Variants in PTCRA observed in about 807,000 individuals in gnomAD.
PTCRA encodes the protein pre T-cell antigen receptor alpha.
In PTCRA, 9 loss-of-function variants were observed where a neutral mutation model predicts 13.4. The observed-to-expected ratio is 0.67, with a 90% CI of 0.41 to 1.18. The LOEUF is 1.18. Among genes scored for constraint, PTCRA ranks in the 50% most tolerant of loss-of-function variants. PTCRA has a pLI of 0.01. For missense variants in PTCRA, 353 were observed against 359.8 expected (o/e 0.98, Z 0.15); for synonymous variants, 153 against 161.9 (o/e 0.94, Z 0.42).
At chr6:42,917,516 C>A (rs1046401479) in intron 1 of PTCRA, among the ~76,000 whole-genome samples, 1 of 142,094 alleles carries the variant, frequency 7.0e-6, no homozygotes, top group Non-Finnish European at 1.5e-5. Context: ...GCCACCTCAC[C>A]CAGCCCGTTA....
At chr6:42,920,905 G>T (rs1767123507) in intron 1 of PTCRA, among the ~76,000 whole-genome samples, 1 of 138,214 alleles carries the variant, frequency 7.2e-6, no homozygotes, top group African/African-American at 2.8e-5. Context: ...AGCGATTCTT[G>T]TGCCTCAGTC....
rs1767359457 is a variant in PTCRA, at chr6:42,925,059, G to A, written c.425-202G>A. Among the ~76,000 whole-genome samples the A allele has an allele frequency of 6.6e-6, 1 of 152,068 alleles. No homozygotes were observed. Among genetic ancestry groups the A allele is most frequent in the African/African-American group, 2.4e-5 (1 of 41,402 alleles). On this transcript the variant is annotated intron_variant, in intron 3 of 3. Coordinates refer to ENST00000304672, the MANE Select transcript of PTCRA (RefSeq NM_138296.3). This position sits in a 1 kb window ranked among gnomAD's most constrained non-coding sequence, Gnocchi z 4.4. ...GGCCCCCACCCCTACCCCCATGATT[G>A]TTGGGGAATAAAATAAAATGAAGGC... is the stretch of plus-strand genomic sequence containing the variant.
At chr6:42,918,673 A>G (rs1027964307) in intron 1 of PTCRA, among the ~76,000 whole-genome samples, 1 of 152,144 alleles carries the variant, frequency 6.6e-6, no homozygotes, top group Non-Finnish European at 1.5e-5. Context: ...ACTGTGTCAC[A>G]TGGCAAAATC....
rs373111406 is a variant in PTCRA at position 42,923,106 on chromosome 6, C to G, written c.138C>G (p.Val46=). The G allele has an allele frequency of 6.2e-7, 1 of 1,614,240 alleles. No individual in the cohort carries two copies. Among genetic ancestry groups the G allele is most frequent in the Non-Finnish European group, 8.5e-7 (1 of 1,180,038 alleles). ...ATGGAAAGCAGCAGATGGTGGTGGT[C>G]TGCCTGGTCCTTGATGTTGCACCCC... ...LVDGKQQMVV[V]CLVLDVAPPG... is the part of the protein sequence containing the mutation. Residue 46 remains valine (V), a synonymous_variant, in exon 2 of 4, where the codon GTC becomes GTG. Coordinates refer to ENST00000304672, the MANE Select transcript of PTCRA (RefSeq NM_138296.3).
intron 1 of PTCRA, among the ~76,000 whole-genome samples, chr6:42,919,379 G>A (rs1374963725): frequency 1.3e-5 from 2 of 151,992 alleles, no homozygotes; most frequent in East Asian, 3.9e-4. Context: ...CTCCTTCCCT[G>A]CACTCTGGGA....
At chr6:42,922,107 C>G (rs1236107795) in intron 1 of PTCRA, 2 of 634,632 alleles carry the variant, frequency 3.2e-6, no homozygotes, top group Non-Finnish European at 5.7e-6. Context: ...CCCAAGCACA[C>G]TCCACCTAGA....
intron 1 of PTCRA, among the ~76,000 whole-genome samples, chr6:42,918,381 C>T (rs900767652): frequency 2.0e-5 from 3 of 151,726 alleles, no homozygotes; most frequent in Non-Finnish European, 4.4e-5. Flanking sequence ...TGGTGAAACC[C>T]CATCTCTACT....
intron 1 of PTCRA, among the ~76,000 whole-genome samples, chr6:42,921,412 CTTTTTTTTT>C (rs59029514): frequency 1.2e-5 from 1 of 85,642 alleles, no homozygotes; most frequent in Non-Finnish European, 2.1e-5. Context: ...AACAAAGCTT[CTTTTTTTTT>C]TTTTTTTTTT....
intron 2 of PTCRA, 146 bp downstream of exon 2, chr6:42,923,493 A>C: frequency 1.3e-6 from 1 of 755,498 alleles, no homozygotes; most frequent in Non-Finnish European, 2.1e-6. Context: ...ACCTGGGCTC[A>C]GGGGAGAGTG....
chr6:42,923,329 C>T lies in PTCRA; in HGVS notation c.361C>T (p.Gln121Ter). Residue 121 changes from glutamine (Q) to a stop codon, truncating the protein, a stop_gained, in exon 2 of 4, where the codon CAG becomes TAG. Transcript: ENST00000304672. LOFTEE classifies it high-confidence loss of function. ...GGCTGAGGGTCACAGCAGGAGTACA[C>T]AGCCCATGCATCTGTCAGGTGGGGA... ...PGAEGHSRST[Q>*]PMHLSGEAST... The T allele has an allele frequency of 1.2e-6, 2 of 1,614,150 alleles. No homozygotes were observed. The highest frequency in any genetic ancestry group is 1.7e-6 in the Non-Finnish European group (2 of 1,179,996).
At chr6:42,917,526 ATATTATTATTATTATTAT>A (rs71547824) in intron 1 of PTCRA, among the ~76,000 whole-genome samples, 12 of 131,716 alleles carry the variant, frequency 9.1e-5, no homozygotes, top group African/African-American at 3.4e-4. Context: ...CCAGCCCGTT[ATATTATTATTATTATTAT>A]TATTATTATT....
In PTCRA at chr6:42,923,120, A is replaced by C. The variant is rs200942121; in HGVS notation, c.152A>C (p.Asp51Ala). ...ATGGTGGTGGTCTGCCTGGTCCTTGATGTTGCACCCCCTGGCCTTGACAGC... is the reference window on the plus strand; with the variant it reads ...ATGGTGGTGGTCTGCCTGGTCCTTGCTGTTGCACCCCCTGGCCTTGACAGC... Reference protein sequence around the residue: ...QQMVVVCLVLDVAPPGLDSPI... With the variant: ...QQMVVVCLVLAVAPPGLDSPI... The change falls in exon 2 of 4, where the codon GAT (aspartate) becomes GCT (alanine). Residue 51 changes from aspartate to alanine, a missense_variant. Transcript: ENST00000304672. The C allele has an allele frequency of 1.1e-3, 1,836 of 1,614,188 alleles. 38 individuals are homozygous for C. In the South Asian group the frequency reaches 0.017, roughly 15 times the overall value.
rs1205348125 is a variant in PTCRA at position 42,925,435 on chromosome 6, C to G, written c.599C>G (p.Thr200Arg). ...GGCTCCCATCGACTGCACCCGGCCACGGAGACTGGGGGACGAGAGGCCACC... is the reference window on the plus strand; with the variant it reads ...GGCTCCCATCGACTGCACCCGGCCAGGGAGACTGGGGGACGAGAGGCCACC... ...ALGSHRLHPA[T>R]ETGGREATSS... The change falls in exon 4 of 4, where the codon ACG (threonine) becomes AGG (arginine). Residue 200 changes from threonine to arginine, a missense_variant. Thr to Arg is a moderately conservative substitution (Grantham distance 71). Coordinates refer to ENST00000304672, the MANE Select transcript of PTCRA (RefSeq NM_138296.3). The surrounding 1 kb of genome is among the most constrained non-coding windows in gnomAD (Gnocchi z 4.4). 2 of 1,555,462 alleles carry G rather than the reference C, an allele frequency of 1.3e-6. No homozygotes were observed. The highest frequency in any genetic ancestry group is 2.4e-5 in the South Asian group (2 of 84,678).
intron 1 of PTCRA, among the ~76,000 whole-genome samples, chr6:42,917,660 C>T (rs1253578977): frequency 6.6e-6 from 1 of 151,228 alleles, no homozygotes; most frequent in Non-Finnish European, 1.5e-5. Context: ...AGCGGTTCTC[C>T]TGCCTCAGCT....
chr6:42,919,045 T>A (rs1767017726), intron 1 of PTCRA, among the ~76,000 whole-genome samples: 1 of 150,570 alleles, frequency 6.6e-6, no homozygotes, highest in African/African-American at 2.5e-5. Context: ...CACCTATTTT[T>A]TTTTTTTTTA....
chr6:42,921,693 G>C (rs1292449682), intron 1 of PTCRA, among the ~76,000 whole-genome samples: 1 of 145,756 alleles, frequency 6.9e-6, no homozygotes, highest in African/African-American at 2.6e-5. Context: ...TGGGATTACA[G>C]GCATGAGCCA....
chr6:42,923,000 C>T, intron 1 of PTCRA, 27 bp from the exon 2 acceptor site: 1 of 1,610,376 alleles, frequency 6.2e-7, no homozygotes, highest in Non-Finnish European at 8.5e-7. Flanking sequence ...GCTGGTCTAG[C>T]ACCCACAGGT....
At position 42,925,128 on chromosome 6, in the gene PTCRA, C is replaced by A; in HGVS notation, c.425-133C>A. On this transcript the variant is annotated intron_variant, in intron 3 of 3. Coordinates refer to ENST00000304672, the MANE Select transcript of PTCRA (RefSeq NM_138296.3). The surrounding 1 kb of genome is among the most constrained non-coding windows in gnomAD (Gnocchi z 4.4). ...TACCAGTAAGAACGGAGGCTAGACA[C>A]CGGGAAGGACTTTCCCTGGAGGAGG... is the stretch of plus-strand genomic sequence containing the variant. The A allele has an allele frequency of 8.2e-7, 1 of 1,220,380 alleles. No homozygotes were observed. The highest frequency in any genetic ancestry group is 1.5e-5 in the South Asian group (1 of 64,844). The allele number at this position is 1,220,380 out of a possible 1,614,324, so 75.6% of individuals were successfully genotyped here. A position where few individuals can be genotyped will look rare whatever the true frequency, so the allele number is the denominator to read the frequency against.
Position 42,923,136 on chromosome 6 carries a change from C to T in PTCRA, c.168C>T (p.Gly56=). The part of the protein sequence containing the change: ...VCLVLDVAPP[G]LDSPIWFSAG... ...TGGTCCTTGATGTTGCACCCCCTGG[C>T]CTTGACAGCCCCATCTGGTTCTCAG... Residue 56 remains glycine, a synonymous_variant, in exon 2 of 4, where the codon GGC becomes GGT. Transcript: ENST00000304672. 1.2e-6 allele frequency: 2 copies of T among 1,614,218 alleles called. No individual in the cohort carries two copies. The highest frequency in any genetic ancestry group is 1.7e-6 in the Non-Finnish European group (2 of 1,180,034).
Sources: gnomAD v4.1 joint callset for allele counts (sites outside exome capture counted in the v4.1 genomes callset) on GRCh38, gnomAD v4.1.1 for gene constraint, Gnocchi (gnomAD v3.1) non-coding constraint, MANE v1.5 for transcripts, NCBI Gene and HGNC (gene_info 2026-07-23, HGNC 2026-07-21) for gene names.